Variants in CCDC18 observed in about 807,000 individuals in gnomAD.
CCDC18 encodes the protein coiled-coil domain-containing protein 18.
A neutral mutation model predicts 196.0 loss-of-function variants in CCDC18; 157 were observed. The ratio of observed to expected loss-of-function variants is 0.80; its 90% CI spans 0.70 to 0.91. The LOEUF (loss-of-function observed/expected upper bound fraction) is 0.91. Among genes scored for constraint, CCDC18 ranks in the 40% least tolerant of loss-of-function variants. The probability of loss-of-function intolerance (pLI) is 0.00; values close to 1 mark genes in which losing one functional copy is unlikely to be tolerated. For synonymous variants in CCDC18, 482 were observed against 529.2 expected, an observed-to-expected ratio of 0.91 and a Z score of 1.22; for missense variants, 1,465 against 1,611.6, an observed-to-expected ratio of 0.91 and a Z score of 1.56.
chr1:93,247,964 A>G (rs984603562), intron 23 of CCDC18, among the ~76,000 whole-genome samples: 3 of 150,404 alleles, frequency 2.0e-5, no homozygotes, highest in Non-Finnish European at 4.4e-5. Context: ...CTATGATATT[A>G]ACTATGGGTT....
intron 27 of CCDC18, among the ~76,000 whole-genome samples, chr1:93,268,803 T>C (rs1035368903): frequency 1.3e-4 from 19 of 151,660 alleles, no homozygotes; most frequent in African/African-American, 4.4e-4. Flanking sequence ...TGTGGAGAAC[T>C]AGGAACACTT....
chr1:93,217,647 C>A, intron 13 of CCDC18, 91 bp from the exon 14 acceptor site: 1 of 1,069,026 alleles, frequency 9.4e-7, no homozygotes, highest in Non-Finnish European at 1.3e-6. Context: ...CCGTGTTTCC[C>A]AGGCTAGTCT....
chr1:93,240,454 A>G (rs1660617693), intron 21 of CCDC18, among the ~76,000 whole-genome samples: 2 of 152,248 alleles, frequency 1.3e-5, no homozygotes, highest in African/African-American at 4.8e-5. Flanking sequence ...ACACACATGT[A>G]TAGTGAGTGG....
At position 93,184,094 on chromosome 1, in the gene CCDC18, T is replaced by C; in HGVS notation, c.251T>C (p.Val84Ala). 2 of 1,570,508 alleles carry C rather than the reference T, an allele frequency of 1.3e-6. No homozygotes were observed. The highest frequency in any genetic ancestry group is 1.2e-5 in the South Asian group (1 of 83,050). ...TTGAATTATTCACCTTATGAAAACGTCTGTAAAATATCTGGTAGCAGCACT... is the reference window on the plus strand; with the variant it reads ...TTGAATTATTCACCTTATGAAAACGCCTGTAAAATATCTGGTAGCAGCACT... The part of the protein sequence containing the change: ...GLLNYSPYEN[V>A]CKISGSSTDF... Residue 84 changes from valine (V) to alanine (A), a missense_variant, in exon 3 of 29, where the codon GTC (valine) becomes GCC (alanine). Val to Ala is a moderately conservative substitution (Grantham distance 64). Transcript: ENST00000690025.
intron 23 of CCDC18, among the ~76,000 whole-genome samples, chr1:93,248,145 G>A (rs945453479): frequency 1.3e-5 from 2 of 150,656 alleles, no homozygotes; most frequent in African/African-American, 2.4e-5. Flanking sequence ...CTCCCCAGTA[G>A]CTGGGATTAC....
intron 25 of CCDC18, among the ~76,000 whole-genome samples, chr1:93,257,984 C>T (rs769766862): frequency 1.4e-4 from 21 of 151,772 alleles, no homozygotes; most frequent in Middle Eastern, 3.4e-3. Context: ...GGTCTTTCAC[C>T]ACACTATATT....
At chr1:93,180,617 C>A (rs916805621), upstream of CCDC18, 7 of 1,342,888 alleles carry the variant, frequency 5.2e-6, no homozygotes, top group Non-Finnish European at 6.9e-6. Context: ...CGGGCGCGCT[C>A]GCCGACCACG....
upstream of CCDC18, chr1:93,180,523 C>T (rs762891692): frequency 1.3e-6 from 2 of 1,525,478 alleles, no homozygotes; most frequent in Non-Finnish European, 1.8e-6. Context: ...TGACGGCCTC[C>T]GGTTCCCATG....
intron 25 of CCDC18, among the ~76,000 whole-genome samples, chr1:93,257,876 G>GT (rs930088522): frequency 6.6e-6 from 1 of 151,838 alleles, no homozygotes; most frequent in Non-Finnish European, 1.5e-5. Context: ...ATATTGATAT[G>GT]TTTTTCCTTT....
At chr1:93,197,959 G>A (rs932512465) in intron 6 of CCDC18, among the ~76,000 whole-genome samples, 2 of 151,834 alleles carry the variant, frequency 1.3e-5, no homozygotes, top group African/African-American at 4.8e-5. Context: ...CTCCATGTTA[G>A]CCAGGATGAT....
chr1:93,221,032 G>A (rs1339591015), intron 14 of CCDC18, among the ~76,000 whole-genome samples: 1 of 152,158 alleles, frequency 6.6e-6, no homozygotes, highest in Non-Finnish European at 1.5e-5. Flanking sequence ...GTCTATCACT[G>A]ATGGGCATTT....
At chr1:93,213,180 T>C (rs1655943728) in intron 11 of CCDC18, among the ~76,000 whole-genome samples, 1 of 152,088 alleles carries the variant, frequency 6.6e-6, no homozygotes, top group Non-Finnish European at 1.5e-5. Context: ...CCTCCTACTA[T>C]GTGGCCCAGT....
At chr1:93,180,663 A>C (rs764573275), upstream of CCDC18, 4 of 1,330,196 alleles carry the variant, frequency 3.0e-6, no homozygotes, top group South Asian at 1.2e-5. Context: ...GCGGCGCCTC[A>C]CGCAGTCTGC....
chr1:93,245,021 T>C (rs770893335), intron 21 of CCDC18, among the ~76,000 whole-genome samples: 2 of 152,208 alleles, frequency 1.3e-5, no homozygotes, highest in African/African-American at 2.4e-5. Context: ...GCATTTAATA[T>C]TATATTTTTC....
chr1:93,207,528 TTCTG>T, intron 9 of CCDC18, 130 bp downstream of exon 9: 1 of 664,144 alleles, frequency 1.5e-6, no homozygotes, highest in South Asian at 2.8e-5. Context: ...TGAATTTCTC[TTCTG>T]TCTAAATCTC....
chr1:93,273,009 C>T (rs1665414392), intron 28 of CCDC18, among the ~76,000 whole-genome samples: 1 of 151,750 alleles, frequency 6.6e-6, no homozygotes, highest in Non-Finnish European at 1.5e-5. Context: ...TATGGGAGCA[C>T]AGAAACACAT....
At position 93,246,116 on chromosome 1, in the gene CCDC18, T is replaced by A; in HGVS notation, c.2993T>A (p.Met998Lys). ...TTGATAAATTGTAGAGAATGCAAGATGGAGATTGAAGACAAAAAGCAGGAG... is the reference window on the plus strand; with the variant it reads ...TTGATAAATTGTAGAGAATGCAAGAAGGAGATTGAAGACAAAAAGCAGGAG... ...DLTAELRECKMEIEDKKQELL... is the reference protein window; with the variant it reads ...DLTAELRECKKEIEDKKQELL... Residue 998 changes from methionine to lysine, a missense_variant, in exon 22 of 29, where the codon ATG becomes AAG. Met to Lys is a moderately conservative substitution (Grantham distance 95, BLOSUM62 -1). Transcript: ENST00000690025. The A allele has an allele frequency of 6.2e-7, 1 of 1,600,092 alleles. No homozygotes were observed. The highest frequency in any genetic ancestry group is 1.1e-5 in the South Asian group (1 of 88,650).
chr1:93,206,156 G>A (rs1654672438), intron 8 of CCDC18, among the ~76,000 whole-genome samples: 1 of 151,980 alleles, frequency 6.6e-6, no homozygotes, highest in Admixed American at 6.6e-5. Context: ...ATATTAACCA[G>A]TCTTTATCAC....
At chr1:93,216,023 T>TA (rs1178493985) in intron 12 of CCDC18, among the ~76,000 whole-genome samples, 2 of 152,230 alleles carry the variant, frequency 1.3e-5, no homozygotes, top group Non-Finnish European at 2.9e-5. Flanking sequence ...ACTTTTTAAA[T>TA]ACCTGCTTTC....
Sources: gnomAD v4.1 joint callset for allele counts (sites outside exome capture counted in the v4.1 genomes callset) on GRCh38, gnomAD v4.1.1 for gene constraint, MANE v1.5 for transcripts, NCBI Gene and HGNC (gene_info 2026-07-23, HGNC 2026-07-21) for gene names.